Variants in LRRC49 observed in about 807,000 individuals in gnomAD.
LRRC49 encodes the protein leucine-rich repeat-containing protein 49.
A neutral mutation model predicts 83.3 loss-of-function variants in LRRC49; 50 were observed. The observed-to-expected ratio is 0.60, with a 90% confidence interval of 0.48 to 0.76. The LOEUF is 0.76. Among genes scored for constraint, LRRC49 ranks in the 30% least tolerant of loss-of-function variants. The pLI is 0.00. For synonymous variants in LRRC49, 286 were observed against 283.3 expected, an observed-to-expected ratio of 1.01 and a Z score of -0.10; for missense variants, 704 against 809.1, an observed-to-expected ratio of 0.87 and a Z score of 1.58.
chr15:70,988,361 T>TAACTATCCTAA (rs1430954014), intron 11 of LRRC49, among the ~76,000 whole-genome samples: 1 of 147,230 alleles, frequency 6.8e-6, no homozygotes, highest in East Asian at 2.0e-4. Context: ...TAGCTCTTCT[T>TAACTATCCTAA]GTTGAATTGA....
At chr15:71,026,407 T>C (rs2039173623) in intron 14 of LRRC49, among the ~76,000 whole-genome samples, 1 of 152,150 alleles carries the variant, frequency 6.6e-6, no homozygotes, top group Non-Finnish European at 1.5e-5. Context: ...AGTAGAATGA[T>C]TTATAATCTT....
chr15:71,005,430 T>C (rs903243823), intron 11 of LRRC49, among the ~76,000 whole-genome samples: 1 of 152,166 alleles, frequency 6.6e-6, no homozygotes, highest in Non-Finnish European at 1.5e-5. Context: ...AGGGCAAATA[T>C]ATCTTGATTT....
At chr15:70,989,341 C>A (rs1567086341) in intron 11 of LRRC49, among the ~76,000 whole-genome samples, 1 of 151,700 alleles carries the variant, frequency 6.6e-6, no homozygotes, top group Non-Finnish European at 1.5e-5. Context: ...CGTTTCTATT[C>A]TTTTTTTTCT....
intron 1 of LRRC49, among the ~76,000 whole-genome samples, chr15:70,853,727 C>T (rs1318523561): frequency 1.3e-5 from 2 of 152,172 alleles, no homozygotes; most frequent in Non-Finnish European, 1.5e-5. Flanking sequence ...CCTCCACGGG[C>T]CGGTTCTGAC....
At chr15:70,873,611 G>A (rs1176257461) in intron 2 of LRRC49, among the ~76,000 whole-genome samples, 3 of 152,136 alleles carry the variant, frequency 2.0e-5, no homozygotes, top group African/African-American at 7.2e-5. Flanking sequence ...GATCTAGAAT[G>A]ACTTCCTTCA....
chr15:71,007,709 GTATA>G (rs55946096), intron 11 of LRRC49, among the ~76,000 whole-genome samples: 10,330 of 137,452 alleles, frequency 0.075, 456 homozygotes, highest in African/African-American at 0.14. Flanking sequence ...TGAGAAGCAT[GTATA>G]TATATATATA....
Position 70,990,360 on chromosome 15 carries a change from C to T in LRRC49, c.1169+6103C>T, listed in dbSNP as rs188266395. On this transcript the variant is annotated intron_variant, in intron 11 of 15. Transcript: ENST00000260382. ...ATGGCAGGCTCCCCTCCCCCAGCCTCGCTGCTGCCTTGCAGTTTGATCTCA... is the reference window on the plus strand; with the variant it reads ...ATGGCAGGCTCCCCTCCCCCAGCCTTGCTGCTGCCTTGCAGTTTGATCTCA... 4.6e-4 allele frequency among the ~76,000 whole-genome samples: 70 copies of T among 152,274 alleles called. No individual in the cohort carries two copies. The East Asian group carries it at 0.013, about 28-fold the overall frequency.
At chr15:70,909,439 A>G (rs570944593) in intron 5 of LRRC49, among the ~76,000 whole-genome samples, 4 of 152,200 alleles carry the variant, frequency 2.6e-5, no homozygotes, top group African/African-American at 7.2e-5. Context: ...TCTAATAGCT[A>G]TTAGAAAGCA....
chr15:71,045,312 T>C (rs1330580432), intron 15 of LRRC49, among the ~76,000 whole-genome samples: 1 of 152,246 alleles, frequency 6.6e-6, no homozygotes, highest in Non-Finnish European at 1.5e-5. Context: ...TAAACATCCA[T>C]ACGTCCAAAA....
chr15:70,941,380 G>A (rs911445399), intron 8 of LRRC49, among the ~76,000 whole-genome samples: 2 of 151,340 alleles, frequency 1.3e-5, no homozygotes, highest in African/African-American at 2.4e-5. Context: ...TCCTTTTAGA[G>A]ATCAAAAGCA....
At chr15:70,860,273 C>A in intron 1 of LRRC49, 1 of 572,716 alleles carries the variant, frequency 1.7e-6, no homozygotes, top group South Asian at 2.1e-5. Context: ...TGAGGCTCAG[C>A]CCAAGCCCTC....
intron 8 of LRRC49, among the ~76,000 whole-genome samples, chr15:70,944,494 T>C (rs2035940052): frequency 6.6e-6 from 1 of 152,110 alleles, no homozygotes; most frequent in Non-Finnish European, 1.5e-5. Context: ...AACCTCCGCC[T>C]CCAGGGTTCA....
chr15:71,008,281 A>G (rs1242316874), intron 11 of LRRC49, 98 bp from the exon 12 acceptor site: 3 of 681,422 alleles, frequency 4.4e-6, no homozygotes, highest in East Asian at 2.5e-5. Flanking sequence ...AAATGAAAAA[A>G]GAATATAAAA....
chr15:71,044,754 C>G (rs1018139112), intron 15 of LRRC49, among the ~76,000 whole-genome samples: 1 of 151,860 alleles, frequency 6.6e-6, no homozygotes, highest in Non-Finnish European at 1.5e-5. Flanking sequence ...CCACTGCACT[C>G]TAGCCTGGGC....
chr15:70,950,619 T>C (rs2141178902), intron 8 of LRRC49, among the ~76,000 whole-genome samples: 1 of 152,348 alleles, frequency 6.6e-6, no homozygotes, highest in Non-Finnish European at 1.5e-5. Flanking sequence ...TATTTGTTTT[T>C]TGCTTACTGA....
At chr15:71,047,941 A>G (rs978368601) in intron 15 of LRRC49, among the ~76,000 whole-genome samples, 3 of 150,620 alleles carry the variant, frequency 2.0e-5, no homozygotes, top group Non-Finnish European at 4.4e-5. Flanking sequence ...AACCCTGGCT[A>G]ATTTTTATAT....
chr15:70,922,320 T>TA (rs1452345756), intron 7 of LRRC49, among the ~76,000 whole-genome samples: 1 of 152,148 alleles, frequency 6.6e-6, no homozygotes, highest in Non-Finnish European at 1.5e-5. Context: ...ATGTGGTACA[T>TA]ATACACAGTG....
chr15:71,029,983 T>C (rs2039298640), intron 14 of LRRC49, among the ~76,000 whole-genome samples: 1 of 152,206 alleles, frequency 6.6e-6, no homozygotes, highest in Admixed American at 6.5e-5. Flanking sequence ...GATTTGCTAG[T>C]CTGATTATTT....
At chr15:70,970,683 G>T (rs1677884132) in intron 9 of LRRC49, among the ~76,000 whole-genome samples, 1 of 152,026 alleles carries the variant, frequency 6.6e-6, no homozygotes, top group Admixed American at 6.6e-5. Flanking sequence ...GTCTATTCAG[G>T]GATTCAACTT....
Sources: allele counts gnomAD v4.1 joint callset (sites outside exome capture counted in the v4.1 genomes callset), GRCh38; gene constraint gnomAD v4.1.1; transcripts MANE v1.5; gene names NCBI Gene and HGNC (gene_info 2026-07-23, HGNC 2026-07-21).